CALHM1: variants seen among roughly 807,000 people sequenced by gnomAD.
CALHM1 encodes the protein calcium homeostasis modulator protein 1.
A neutral mutation model predicts 14.8 loss-of-function variants in CALHM1; 11 were observed. The ratio of observed to expected loss-of-function variants is 0.74; its 90% CI spans 0.47 to 1.23. The LOEUF (loss-of-function observed/expected upper bound fraction) is 1.23, where lower values mean the gene tolerates loss of function less well. Among genes scored for constraint, CALHM1 ranks in the 50% most tolerant of loss-of-function variants. CALHM1 has a pLI of 0.00. For synonymous variants in CALHM1, 215 were observed against 218.9 expected (o/e 0.98, Z 0.16); for missense variants, 458 against 496.4 (o/e 0.92, Z 0.74).
chr10:103,458,220 G>C lies in CALHM1; in HGVS notation c.532C>G (p.Arg178Gly). Reference protein sequence around the residue: ...DWLLAREVAVRYLRCISQALG... With the variant: ...DWLLAREVAVGYLRCISQALG... ...ACCTGGGAGATGCAGCGGAGGTAAC[G>C]CACGGCCACCTCTCGGGCCAACAGC... is the stretch of plus-strand genomic sequence containing the variant. The change falls in exon 1 of 2, where the codon CGT (arginine) becomes GGT (glycine). Residue 178 changes from arginine to glycine, a missense_variant. Coordinates refer to ENST00000329905, the MANE Select transcript of CALHM1 (RefSeq NM_001001412.4). The surrounding 1 kb of genome is among the most constrained non-coding windows in gnomAD (Gnocchi z 4.9). 2.5e-6 allele frequency: 4 copies of C among 1,612,794 alleles called. No homozygotes were observed. The highest frequency in any genetic ancestry group is 3.4e-6 in the Non-Finnish European group (4 of 1,179,762).
At position 103,458,823 on chromosome 10, in the gene CALHM1, G is replaced by A. The variant is rs1273721251; in HGVS notation, c.-72C>T. The A allele has an allele frequency of 1.4e-5, 21 of 1,472,952 alleles. No homozygotes were observed. Among genetic ancestry groups the A allele is most frequent in the Non-Finnish European group, 1.3e-5 (14 of 1,103,838 alleles). 91.2% of individuals were successfully genotyped at this position (1,472,952 alleles called of 1,614,324 possible). ...CAAGAGGGCCCCTGCTGCCCACCCT[G>A]CCCACTGGGTGCCCACCTCATGACT... On this transcript the variant is annotated 5_prime_UTR_variant, in exon 1 of 2. The change creates a premature stop within an existing upstream ORF in the 5' untranslated region. Transcript: ENST00000329905. The surrounding 1 kb of genome is among the most constrained non-coding windows in gnomAD (Gnocchi z 4.9).
In CALHM1 at chr10:103,458,197, C is replaced by G. The variant is rs772609242; in HGVS notation, c.555G>C (p.Gln185His). ...AGCGTGAAGCCATGCGGCCCCTCAC[C>G]TGGGAGATGCAGCGGAGGTAACGCA... ...VAVRYLRCIS[Q>H]ALGWSFVLLT... Residue 185 changes from glutamine (Q) to histidine (H), a missense_variant and splice_region_variant, in exon 1 of 2, where the codon CAG becomes CAC. Gln to His is a conservative substitution (Grantham distance 24). Transcript: ENST00000329905. This position sits in a 1 kb window ranked among gnomAD's most constrained non-coding sequence, Gnocchi z 4.9. 3 of 1,612,340 alleles carry G rather than the reference C, an allele frequency of 1.9e-6. No homozygotes were observed. Among genetic ancestry groups the G allele is most frequent in the Non-Finnish European group, 2.5e-6 (3 of 1,179,710 alleles).
rs1356066840 is a variant in CALHM1, at chr10:103,455,629, T to C, written c.674A>G (p.Asp225Gly). 1 of 1,613,828 alleles carries C rather than the reference T, an allele frequency of 6.2e-7. No homozygotes were observed. Among genetic ancestry groups the C allele is most frequent in the Non-Finnish European group, 8.5e-7 (1 of 1,180,028 alleles). Residue 225 changes from aspartate to glycine, a missense_variant, in exon 2 of 2, where the codon GAC becomes GGC. Transcript: ENST00000329905. ...LKSKYWSHYI[D>G]IERKLFDETC... is the part of the protein sequence containing the mutation. Reference sequence around the variant, plus strand: ...CTCGTCGAAGAGCTTGCGCTCGATGTCGATATAGTGGGACCAGTACTTGCT... The same window carrying C: ...CTCGTCGAAGAGCTTGCGCTCGATGCCGATATAGTGGGACCAGTACTTGCT...
In CALHM1 at chr10:103,458,548, G is replaced by A. The variant is rs1269068358; in HGVS notation, c.204C>T (p.Gly68=). ...LAPPLVLFLL[G]LVMNNNVSML... is the part of the protein sequence containing the mutation. ...TGGACACGTTGTTGTTCATGACCAG[G>A]CCAAGCAGAAAGAGCACCAGGGGTG... Residue 68 remains glycine (G), a synonymous_variant, in exon 1 of 2, where the codon GGC becomes GGT. Transcript: ENST00000329905. This position sits in a 1 kb window ranked among gnomAD's most constrained non-coding sequence, Gnocchi z 4.9. 1.9e-6 allele frequency: 3 copies of A among 1,613,814 alleles called. No homozygotes were observed. The highest frequency in any genetic ancestry group is 2.5e-6 in the Non-Finnish European group (3 of 1,180,044).
Position 103,455,499 on chromosome 10 carries a change from G to A in CALHM1, c.804C>T (p.Ala268=), listed in dbSNP as rs768617780. ...GGGCAGCTGCGGAAGCAGGGGCCGT[G>A]GCCAGTGTCCCGTGGGTGTGACCCA... ...LELGHTHGTL[A]TAPASAAAPT... The change falls in exon 2 of 2, where the codon GCC becomes GCT. Residue 268 remains alanine, a synonymous_variant. Coordinates refer to ENST00000329905, the MANE Select transcript of CALHM1 (RefSeq NM_001001412.4). 3 of 1,613,456 alleles carry A rather than the reference G, an allele frequency of 1.9e-6. No individual in the cohort carries two copies. The highest frequency in any genetic ancestry group is 1.7e-6 in the Non-Finnish European group (2 of 1,179,890).
intron 1 of CALHM1, among the ~76,000 whole-genome samples, chr10:103,456,651 G>A (rs2033154448): frequency 6.6e-6 from 1 of 152,226 alleles, no homozygotes; most frequent in African/African-American, 2.4e-5. Context: ...GGGGTGGGGA[G>A]CCACTGAGCA....
At chr10:103,457,207 C>A (rs1221705992) in intron 1 of CALHM1, among the ~76,000 whole-genome samples, 1 of 152,208 alleles carries the variant, frequency 6.6e-6, no homozygotes, top group African/African-American at 2.4e-5. Context: ...GCCTCTGGGG[C>A]CCTCTCAGCT....
chr10:103,455,126 G>A lies in CALHM1; in HGVS notation c.*136C>T. 1 of 1,297,434 alleles carries A rather than the reference G, an allele frequency of 7.7e-7. No individual in the cohort carries two copies. Among genetic ancestry groups the A allele is most frequent in the Non-Finnish European group, 1.0e-6 (1 of 972,392 alleles). The allele number at this position is 1,297,434 out of a possible 1,614,324, so 80.4% of individuals were successfully genotyped here. A position where few individuals can be genotyped will look rare whatever the true frequency, so the allele number is the denominator to read the frequency against. ...CCAAATTTCCTGCCTCCAATGGGCA[G>A]GCGAGTGCTAGGGAGTGTGGATCTG... is the stretch of plus-strand genomic sequence containing the variant. On this transcript the variant is annotated 3_prime_UTR_variant, in exon 2 of 2. Coordinates refer to ENST00000329905, the MANE Select transcript of CALHM1 (RefSeq NM_001001412.4).
chr10:103,458,288 A>T lies in CALHM1; in HGVS notation c.464T>A (p.Leu155Gln), dbSNP rs1292608788. Residue 155 changes from leucine to glutamine, a missense_variant, in exon 1 of 2, where the codon CTG (leucine) becomes CAG (glutamine). Transcript: ENST00000329905. The surrounding 1 kb of genome is among the most constrained non-coding windows in gnomAD (Gnocchi z 4.9). ...CTCAGGGCAGGGCACCCGGGCCAGCAGGCGGGCGAGCTCGGGGGCAGGAAG... is the reference window on the plus strand; with the variant it reads ...CTCAGGGCAGGGCACCCGGGCCAGCTGGCGGGCGAGCTCGGGGGCAGGAAG... ...PGLPAPELAR[L>Q]LARVPCPEIY... is the part of the protein sequence containing the mutation. 8 of 1,612,272 alleles carry T rather than the reference A, an allele frequency of 5.0e-6. No individual in the cohort carries two copies. Among genetic ancestry groups the T allele is most frequent in the Non-Finnish European group, 6.8e-6 (8 of 1,179,650 alleles).
chr10:103,456,624 G>A (rs1289816191), intron 1 of CALHM1, among the ~76,000 whole-genome samples: 1 of 152,220 alleles, frequency 6.6e-6, no homozygotes, highest in Non-Finnish European at 1.5e-5. Context: ...GGCCAGGCAG[G>A]TCGTGACAGA....
chr10:103,455,530 A>G lies in CALHM1; in HGVS notation c.773T>C (p.Leu258Pro). The G allele has an allele frequency of 1.2e-6, 2 of 1,613,822 alleles. No individual in the cohort carries two copies. Reference sequence around the variant, plus strand: ...TGTCCCGTGGGTGTGACCCAGCTCCAGGTCATGGTTCATGGCCTCGAAGAA... The same window carrying G: ...TGTCCCGTGGGTGTGACCCAGCTCCGGGTCATGGTTCATGGCCTCGAAGAA... ...QQFFEAMNHD[L>P]ELGHTHGTLA... Residue 258 changes from leucine (L) to proline (P), a missense_variant, in exon 2 of 2, where the codon CTG (leucine) becomes CCG (proline). By Grantham distance (98) the Leu-to-Pro change is moderately conservative. Coordinates refer to ENST00000329905, the MANE Select transcript of CALHM1 (RefSeq NM_001001412.4).
At chr10:103,456,003 G>C (rs2033146560) in intron 1 of CALHM1, among the ~76,000 whole-genome samples, 1 of 152,246 alleles carries the variant, frequency 6.6e-6, no homozygotes, top group African/African-American at 2.4e-5. Flanking sequence ...CAGGGCCCAG[G>C]AGTTAAGTGG....
rs555580990 is a variant in CALHM1, at chr10:103,458,719, G to A, written c.33C>T (p.Phe11=). 6.2e-7 allele frequency: 1 copy of A among 1,613,378 alleles called. No individual in the cohort carries two copies. Among genetic ancestry groups the A allele is most frequent in the Admixed American group, 1.7e-5 (1 of 60,004 alleles). The change falls in exon 1 of 2, where the codon TTC becomes TTT. Residue 11 remains phenylalanine (F), a synonymous_variant. Coordinates refer to ENST00000329905, the MANE Select transcript of CALHM1 (RefSeq NM_001001412.4). The surrounding 1 kb of genome is among the most constrained non-coding windows in gnomAD (Gnocchi z 4.9). ...TGAAGGACTCCTGGTTGGACTGCAG[G>A]AACTGGAAGATCATCCGGAACTTGT... MMDKFRMIFQ[F]LQSNQESFMN...
chr10:103,456,607 C>A (rs1206393247), intron 1 of CALHM1, among the ~76,000 whole-genome samples: 1 of 152,194 alleles, frequency 6.6e-6, no homozygotes. Context: ...AGCCCAGATG[C>A]CTATGGGGCC....
At chr10:103,455,880 G>T in intron 1 of CALHM1, 133 bp from the exon 2 acceptor site, 1 of 1,087,910 alleles carries the variant, frequency 9.2e-7, no homozygotes, top group Non-Finnish European at 1.3e-6. Flanking sequence ...TTGCCTCTTG[G>T]CCTCCATTTC....
chr10:103,457,464 G>A (rs139474544), intron 1 of CALHM1, among the ~76,000 whole-genome samples: 267 of 152,380 alleles, frequency 1.8e-3, no homozygotes, highest in African/African-American at 5.9e-3. Flanking sequence ...GGCAGAGTGT[G>A]CACGTTTCTC....
chr10:103,455,702 C>G lies in CALHM1; in HGVS notation c.601G>C (p.Val201Leu). The G allele has an allele frequency of 6.2e-7, 1 of 1,613,200 alleles. No homozygotes were observed. Among genetic ancestry groups the G allele is most frequent in the East Asian group, 2.2e-5 (1 of 44,880 alleles). Residue 201 changes from valine (V) to leucine (L), a missense_variant, in exon 2 of 2, where the codon GTG becomes CTG. Val to Leu is a conservative substitution (Grantham distance 32). Coordinates refer to ENST00000329905, the MANE Select transcript of CALHM1 (RefSeq NM_001001412.4). Reference protein sequence around the residue: ...FVLLTTLLAFVVRSVRPCFTQ... With the variant: ...FVLLTTLLAFLVRSVRPCFTQ... ...AAGCAGGGCCGCACAGAGCGCACCA[C>G]GAATGCCAGCAGAGTGGTCAGCAGC...
rs1190057712 is a variant in CALHM1 at position 103,458,600 on chromosome 10, G to T, written c.152C>A (p.Ala51Asp). The T allele has an allele frequency of 6.2e-7, 1 of 1,613,988 alleles. No homozygotes were observed. The highest frequency in any genetic ancestry group is 8.5e-7 in the Non-Finnish European group (1 of 1,180,036). The change falls in exon 1 of 2, where the codon GCC (alanine) becomes GAC (aspartate). Residue 51 changes from alanine to aspartate, a missense_variant. Ala to Asp is a moderately radical substitution (Grantham distance 126). Coordinates refer to ENST00000329905, the MANE Select transcript of CALHM1 (RefSeq NM_001001412.4). This position sits in a 1 kb window ranked among gnomAD's most constrained non-coding sequence, Gnocchi z 4.9. ...CGCCAGCAGGATGCCCGCGCTGTAG[G>T]CTGCATTGTAGCCCGGCAGGCAGGG... Reference protein sequence around the residue: ...NCPCLPGYNAAYSAGILLAPP... With the variant: ...NCPCLPGYNADYSAGILLAPP...
chr10:103,458,888 G>T lies in CALHM1; in HGVS notation c.-137C>A. 1.2e-6 allele frequency: 1 copy of T among 818,914 alleles called. No individual in the cohort carries two copies. Among genetic ancestry groups the T allele is most frequent in the Non-Finnish European group, 1.9e-6 (1 of 535,868 alleles). 50.7% of individuals were successfully genotyped at this position (818,914 alleles called of 1,614,324 possible). A position where few individuals can be genotyped will look rare whatever the true frequency, so the allele number is the denominator to read the frequency against. On this transcript the variant is annotated 5_prime_UTR_variant, in exon 1 of 2. Coordinates refer to ENST00000329905, the MANE Select transcript of CALHM1 (RefSeq NM_001001412.4). This position sits in a 1 kb window ranked among gnomAD's most constrained non-coding sequence, Gnocchi z 4.9. ...TGGGACCAACAGAGCTCAGAGCAGA[G>T]GCTGAGGTCACTGTCGCTTTGAGGA...
Sources: allele counts gnomAD v4.1 joint callset (sites outside exome capture counted in the v4.1 genomes callset), GRCh38; gene constraint gnomAD v4.1.1; non-coding constraint Gnocchi (gnomAD v3.1); transcripts MANE v1.5; gene names NCBI Gene and HGNC (gene_info 2026-07-23, HGNC 2026-07-21).